EXOC6B: variants seen among roughly 807,000 people sequenced by gnomAD.
EXOC6B encodes the protein SEC15 homolog B.
Under a neutral mutation model 113.5 loss-of-function variants are expected in EXOC6B, and 54 were observed. The observed-to-expected ratio is 0.48, with a 90% confidence interval of 0.38 to 0.60. The LOEUF (loss-of-function observed/expected upper bound fraction) is 0.60. EXOC6B is among the 20% of genes least tolerant of loss of function. The pLI, the probability that EXOC6B is intolerant of heterozygous loss-of-function variation, is 0.00. For synonymous variants in EXOC6B, 357 were observed against 339.0 expected (o/e 1.05, Z -0.58); for missense variants, 797 against 977.5 (o/e 0.82, Z 2.46).
intron 6 of EXOC6B, among the ~76,000 whole-genome samples, chr2:72,650,031 G>C (rs947274033): frequency 2.0e-5 from 3 of 152,198 alleles, no homozygotes; most frequent in Non-Finnish European, 4.4e-5. Flanking sequence ...AACTGGGCGC[G>C]GGGCACGACA....
chr2:72,186,669 T>A (rs1678453466), intron 20 of EXOC6B, among the ~76,000 whole-genome samples: 1 of 152,246 alleles, frequency 6.6e-6, no homozygotes, highest in African/African-American at 2.4e-5. Flanking sequence ...TTTTTCAGCA[T>A]ATATGGACAT....
intron 1 of EXOC6B, among the ~76,000 whole-genome samples, chr2:72,782,516 T>A (rs1300360984): frequency 2.0e-5 from 3 of 152,226 alleles, no homozygotes; most frequent in African/African-American, 4.8e-5. Flanking sequence ...GCATTAATCA[T>A]TCCCATATGT....
chr2:72,774,123 T>C (rs1683557717), intron 1 of EXOC6B, among the ~76,000 whole-genome samples: 1 of 152,206 alleles, frequency 6.6e-6, no homozygotes, highest in Non-Finnish European at 1.5e-5. Flanking sequence ...TTTCCAAATA[T>C]TGATATATTT....
intron 18 of EXOC6B, among the ~76,000 whole-genome samples, chr2:72,403,674 C>G (rs1269977733): frequency 6.6e-6 from 1 of 152,114 alleles, no homozygotes; most frequent in African/African-American, 2.4e-5. Flanking sequence ...CCACTACAGT[C>G]CAGCCTGGGC....
At chr2:72,405,814 C>G (rs1183299666) in intron 18 of EXOC6B, among the ~76,000 whole-genome samples, 1 of 152,178 alleles carries the variant, frequency 6.6e-6, no homozygotes, top group Non-Finnish European at 1.5e-5. Context: ...AAATAACCAG[C>G]TAACATCATA....
intron 19 of EXOC6B, among the ~76,000 whole-genome samples, chr2:72,338,368 A>G (rs1189975213): frequency 3.3e-5 from 5 of 152,140 alleles, no homozygotes; most frequent in African/African-American, 1.2e-4. Context: ...GAGGGCTGGT[A>G]GCTCAAAAAA....
intron 2 of EXOC6B, among the ~76,000 whole-genome samples, chr2:72,735,207 ATTATCTACTAGAGTAGCCTTG>A (rs1680870979): frequency 1.3e-5 from 2 of 152,152 alleles, no homozygotes; most frequent in Non-Finnish European, 2.9e-5. Context: ...ATTCAGCAAC[ATTATCTACTAGAGTAGCCTTG>A]TTTGCCTTAT....
At position 72,744,040 on chromosome 2, in the gene EXOC6B, T is replaced by A. The variant is rs112841672; in HGVS notation, c.114-2571A>T. Among the ~76,000 whole-genome samples, 1,492 of 152,298 alleles carry A rather than the reference T, an allele frequency of 9.8e-3. 23 individuals carry two copies. Among genetic ancestry groups the A allele is most frequent in the African/African-American group, 0.033 (1,378 of 41,556 alleles). On this transcript the variant is annotated intron_variant, in intron 1 of 21. Transcript: ENST00000272427. ...ACACATTACCTTTTCTACATTTAGA[T>A]ATACAAATACTTACCAGTATGTTAT...
chr2:72,734,709 GTAGTAA>G (rs1449050655), intron 2 of EXOC6B, among the ~76,000 whole-genome samples: 6 of 152,160 alleles, frequency 3.9e-5, no homozygotes, highest in Non-Finnish European at 8.8e-5. Context: ...TGATGGTAAG[GTAGTAA>G]TACCACACTA....
chr2:72,351,476 C>T (rs1689653122), intron 19 of EXOC6B, among the ~76,000 whole-genome samples: 2 of 152,140 alleles, frequency 1.3e-5, no homozygotes, highest in South Asian at 4.1e-4. Flanking sequence ...CCATTCATTC[C>T]TCAACTGCAA....
chr2:72,331,913 AT>A (rs1688435773), intron 20 of EXOC6B, among the ~76,000 whole-genome samples: 1 of 152,116 alleles, frequency 6.6e-6, no homozygotes, highest in African/African-American at 2.4e-5. Context: ...TCCTAATGAA[AT>A]TCTATAACTT....
At chr2:72,536,434 G>A (rs1702295493) in intron 8 of EXOC6B, among the ~76,000 whole-genome samples, 1 of 151,906 alleles carries the variant, frequency 6.6e-6, no homozygotes, top group African/African-American at 2.4e-5. Flanking sequence ...ATAATTGTTT[G>A]CTATATGTTG....
At chr2:72,715,008 T>C (rs1206158225) in intron 6 of EXOC6B, among the ~76,000 whole-genome samples, 1 of 152,138 alleles carries the variant, frequency 6.6e-6, no homozygotes, top group Non-Finnish European at 1.5e-5. Flanking sequence ...GGCTCATGCC[T>C]GTAATCCTAG....
At chr2:72,500,936 G>A (rs564577474) in intron 11 of EXOC6B, among the ~76,000 whole-genome samples, 31 of 152,006 alleles carry the variant, frequency 2.0e-4, no homozygotes, top group African/African-American at 6.5e-4. Flanking sequence ...CCTTATAAAA[G>A]GGCTATTACC....
chr2:72,273,445 C>A (rs548464825), intron 20 of EXOC6B, among the ~76,000 whole-genome samples: 1 of 151,946 alleles, frequency 6.6e-6, no homozygotes, highest in Non-Finnish European at 1.5e-5. Flanking sequence ...GACATACAGG[C>A]AAATAAACAC....
At chr2:72,629,482 C>A (rs893334771) in intron 6 of EXOC6B, among the ~76,000 whole-genome samples, 7 of 152,136 alleles carry the variant, frequency 4.6e-5, no homozygotes, top group Admixed American at 4.6e-4. Context: ...CCCTCAGAAT[C>A]TTGTTTCTGT....
At chr2:72,554,311 A>C (rs1053897528) in intron 8 of EXOC6B, among the ~76,000 whole-genome samples, 19 of 152,178 alleles carry the variant, frequency 1.2e-4, no homozygotes, top group Admixed American at 1.0e-3. Flanking sequence ...TTTCAATGGA[A>C]ATTTTTAAAA....
intron 2 of EXOC6B, 62 bp downstream of exon 2, chr2:72,741,242 T>C: frequency 6.6e-7 from 1 of 1,505,102 alleles, no homozygotes; most frequent in Non-Finnish European, 9.0e-7. Flanking sequence ...TCCTTAATCC[T>C]TTAATCCTAA....
At chr2:72,401,238 G>A (rs1415066150) in intron 18 of EXOC6B, among the ~76,000 whole-genome samples, 1 of 150,880 alleles carries the variant, frequency 6.6e-6, no homozygotes, top group Non-Finnish European at 1.5e-5. Context: ...GAGGTGGGTG[G>A]ATCACCTGAG....
Sources: allele counts gnomAD v4.1 joint callset (sites outside exome capture counted in the v4.1 genomes callset), GRCh38; gene constraint gnomAD v4.1.1; transcripts MANE v1.5; gene names NCBI Gene and HGNC (gene_info 2026-07-23, HGNC 2026-07-21).